Variants in KCNJ6 observed in about 807,000 individuals in gnomAD.
KCNJ6 encodes G protein-activated inward rectifier potassium channel 2.
Under a neutral mutation model 34.2 loss-of-function variants are expected in KCNJ6, and 9 were observed. That is an observed-to-expected ratio of 0.26 (90% confidence interval 0.16 to 0.46). The LOEUF (loss-of-function observed/expected upper bound fraction) is 0.46. Ranked by LOEUF, KCNJ6 falls within the 20% of genes least tolerant of loss-of-function variation. The pLI, the probability that KCNJ6 is intolerant of heterozygous loss-of-function variation, is 1.00. For missense variants in KCNJ6, 236 were observed against 531.3 expected (o/e 0.44, Z 5.46); for synonymous variants, 196 against 207.1 (o/e 0.95, Z 0.46).
chr21:37,823,198 A>G lies in KCNJ6; in HGVS notation c.25+17460T>C, dbSNP rs2055382655. ...CACGGCCACCCCAACACCAGGCCAG[A>G]GCCCTCAGACTTAGGCTCTGGGCAC... On this transcript the variant is annotated intron_variant, in intron 2 of 3. Coordinates refer to ENST00000609713, the MANE Select transcript of KCNJ6 (RefSeq NM_002240.5). Among the ~76,000 whole-genome samples the G allele has an allele frequency of 2.0e-5, 3 of 152,208 alleles. No individual in the cohort carries two copies. In the South Asian group the frequency reaches 6.2e-4, roughly 31 times the overall value.
chr21:37,743,877 T>TAATA (rs2054953506), intron 2 of KCNJ6, among the ~76,000 whole-genome samples: 1 of 151,988 alleles, frequency 6.6e-6, no homozygotes, highest in African/African-American at 2.4e-5. Context: ...ATATGGTCAA[T>TAATA]AATACTTCTA....
intron 2 of KCNJ6, among the ~76,000 whole-genome samples, chr21:37,738,163 C>T (rs1264094008): frequency 6.6e-6 from 1 of 152,186 alleles, no homozygotes; most frequent in Non-Finnish European, 1.5e-5. Flanking sequence ...CCCTGGGGGC[C>T]AACTATGGTT....
chr21:37,750,652 C>G (rs1040065378), intron 2 of KCNJ6, among the ~76,000 whole-genome samples: 3 of 152,084 alleles, frequency 2.0e-5, no homozygotes, highest in Non-Finnish European at 4.4e-5. Flanking sequence ...ACCACATGTT[C>G]TCTCTCATAA....
At chr21:37,642,413 A>G (rs1159388713) in intron 3 of KCNJ6, among the ~76,000 whole-genome samples, 1 of 152,204 alleles carries the variant, frequency 6.6e-6, no homozygotes, top group African/African-American at 2.4e-5. Flanking sequence ...TTTCAGGAAG[A>G]GCAAGTGGTT....
chr21:37,676,496 G>A (rs1024829250), intron 3 of KCNJ6, among the ~76,000 whole-genome samples: 1 of 152,270 alleles, frequency 6.6e-6, no homozygotes, highest in Non-Finnish European at 1.5e-5. Context: ...ACACCAGGGA[G>A]TGCTGAGGCC....
chr21:37,911,372 T>C (rs1568893543), intron 1 of KCNJ6, among the ~76,000 whole-genome samples: 1 of 152,192 alleles, frequency 6.6e-6, no homozygotes, highest in Non-Finnish European at 1.5e-5. Context: ...ATTTCCCCCT[T>C]ACTGGTATTA....
intron 2 of KCNJ6, among the ~76,000 whole-genome samples, chr21:37,790,984 G>A (rs986752552): frequency 3.9e-5 from 6 of 152,194 alleles, no homozygotes; most frequent in East Asian, 1.9e-4. Flanking sequence ...GCCAATTTAC[G>A]TTGTGATTTC....
At chr21:37,850,144 C>T (rs140529641) in intron 1 of KCNJ6, among the ~76,000 whole-genome samples, 1 of 152,194 alleles carries the variant, frequency 6.6e-6, no homozygotes, top group East Asian at 1.9e-4. Context: ...ATCCCTGATT[C>T]CTTTTGTTTT....
At chr21:37,910,350 C>T (rs1332899755) in intron 1 of KCNJ6, among the ~76,000 whole-genome samples, 1 of 152,060 alleles carries the variant, frequency 6.6e-6, no homozygotes, top group Non-Finnish European at 1.5e-5. Flanking sequence ...CAAGTTCCTG[C>T]TAGATGATAC....
intron 2 of KCNJ6, among the ~76,000 whole-genome samples, chr21:37,822,930 C>T (rs893279202): frequency 1.3e-5 from 2 of 152,208 alleles, no homozygotes; most frequent in Middle Eastern, 3.4e-3. Context: ...ATTCCTTCAT[C>T]GAAACATCAC....
intron 2 of KCNJ6, among the ~76,000 whole-genome samples, chr21:37,719,878 G>C (rs1445269960): frequency 6.6e-6 from 1 of 152,156 alleles, no homozygotes; most frequent in Non-Finnish European, 1.5e-5. Flanking sequence ...GCCTCCCCTG[G>C]TGGCCCTGGT....
chr21:37,894,042 C>A (rs1438658028), intron 1 of KCNJ6, among the ~76,000 whole-genome samples: 3 of 152,236 alleles, frequency 2.0e-5, no homozygotes, highest in Non-Finnish European at 4.4e-5. Context: ...CACCCTCCAT[C>A]ACTTATAACT....
intron 2 of KCNJ6, among the ~76,000 whole-genome samples, chr21:37,718,631 G>C (rs959955738): frequency 6.6e-6 from 1 of 151,946 alleles, no homozygotes; most frequent in African/African-American, 2.4e-5. Flanking sequence ...ACACTTGGAT[G>C]CAGGGCGGGG....
At chr21:37,884,212 G>A (rs2055723869) in intron 1 of KCNJ6, among the ~76,000 whole-genome samples, 2 of 152,160 alleles carry the variant, frequency 1.3e-5, no homozygotes, top group Non-Finnish European at 2.9e-5. Flanking sequence ...CTCTATGGAT[G>A]CATTTCCGCA....
At chr21:37,684,019 A>C (rs2123420976) in intron 3 of KCNJ6, among the ~76,000 whole-genome samples, 1 of 152,278 alleles carries the variant, frequency 6.6e-6, no homozygotes, top group African/African-American at 2.4e-5. Flanking sequence ...CAACAACTGA[A>C]CTGGTCTCTA....
intron 1 of KCNJ6, among the ~76,000 whole-genome samples, chr21:37,861,815 A>G (rs1242848664): frequency 6.6e-6 from 1 of 152,192 alleles, no homozygotes; most frequent in African/African-American, 2.4e-5. Context: ...GTTCACTAAA[A>G]TTTAAATGAC....
chr21:37,716,653 G>C (rs2054792993), intron 2 of KCNJ6, among the ~76,000 whole-genome samples: 1 of 152,082 alleles, frequency 6.6e-6, no homozygotes, highest in Admixed American at 6.5e-5. Context: ...AAAATGCTGG[G>C]ATTACAAGCA....
chr21:37,626,638 T>A (rs982545860), intron 3 of KCNJ6, among the ~76,000 whole-genome samples: 1 of 152,208 alleles, frequency 6.6e-6, no homozygotes, highest in Non-Finnish European at 1.5e-5. Flanking sequence ...TGTGGTTTTT[T>A]AAAATTTTTT....
intron 2 of KCNJ6, among the ~76,000 whole-genome samples, chr21:37,775,611 C>A (rs1449228781): frequency 2.0e-5 from 3 of 152,146 alleles, no homozygotes; most frequent in Non-Finnish European, 4.4e-5. Flanking sequence ...ATAGGGAATC[C>A]TTTCCCCATT....
Sources: allele counts gnomAD v4.1 joint callset (sites outside exome capture counted in the v4.1 genomes callset), GRCh38; gene constraint gnomAD v4.1.1; transcripts MANE v1.5; gene names NCBI Gene and HGNC (gene_info 2026-07-23, HGNC 2026-07-21).